The following FAM168A variants were observed in gnomAD, a reference collection of about 807,000 sequenced individuals.
The protein encoded by FAM168A is protein FAM168A.
A neutral mutation model predicts 28.5 loss-of-function variants in FAM168A; 3 were observed. That is an observed-to-expected ratio of 0.11 (90% CI 0.05 to 0.27). The LOEUF (loss-of-function observed/expected upper bound fraction) is 0.27, where lower values mean the gene tolerates loss of function less well. Among genes scored for constraint, FAM168A ranks in the 10% least tolerant of loss-of-function variants. FAM168A has a pLI of 1.00. For synonymous variants in FAM168A, 122 were observed against 124.2 expected (o/e 0.98, Z 0.12); for missense variants, 222 against 311.5 (o/e 0.71, Z 2.16).
intron 2 of FAM168A, among the ~76,000 whole-genome samples, chr11:73,458,720 C>T (rs1375590744): frequency 1.3e-5 from 2 of 152,110 alleles, no homozygotes; most frequent in East Asian, 1.9e-4. Context: ...AAGTGATTCT[C>T]CTGCCTCAGA....
chr11:73,485,830 GCTA>G (rs142380351), intron 1 of FAM168A, among the ~76,000 whole-genome samples: 4,516 of 152,194 alleles, frequency 0.03, 221 homozygotes, highest in African/African-American at 0.1. Flanking sequence ...AAAGTCAGTA[GCTA>G]CTACTACCTA....
chr11:73,530,236 TA>T (rs1230220750), intron 1 of FAM168A, among the ~76,000 whole-genome samples: 1 of 152,176 alleles, frequency 6.6e-6, no homozygotes, highest in Non-Finnish European at 1.5e-5. Flanking sequence ...ATACAGAAGT[TA>T]AATTATTGCC....
chr11:73,593,796 T>C (rs976812867), intron 1 of FAM168A, among the ~76,000 whole-genome samples: 1 of 152,218 alleles, frequency 6.6e-6, no homozygotes, highest in African/African-American at 2.4e-5. Flanking sequence ...ATGATGTTAA[T>C]TCTATTATTC....
At chr11:73,556,274 A>C (rs1943888322) in intron 1 of FAM168A, among the ~76,000 whole-genome samples, 1 of 151,980 alleles carries the variant, frequency 6.6e-6, no homozygotes, top group African/African-American at 2.4e-5. Flanking sequence ...GCTTGTGCCT[A>C]AGAATTCGAG....
chr11:73,461,575 G>T (rs770539393), intron 2 of FAM168A, among the ~76,000 whole-genome samples: 12 of 152,304 alleles, frequency 7.9e-5, no homozygotes, highest in Middle Eastern at 6.8e-3. Flanking sequence ...TAAATAGGAT[G>T]AGCAGGAGAT....
chr11:73,501,292 G>T (rs930411553), intron 1 of FAM168A, among the ~76,000 whole-genome samples: 5 of 152,192 alleles, frequency 3.3e-5, no homozygotes, highest in Non-Finnish European at 7.3e-5. Context: ...CAATGAGACA[G>T]AAAATTAACA....
At chr11:73,477,731 A>G (rs970826463) in intron 1 of FAM168A, among the ~76,000 whole-genome samples, 1 of 152,208 alleles carries the variant, frequency 6.6e-6, no homozygotes, top group Non-Finnish European at 1.5e-5. Context: ...TAAATCCAGC[A>G]AAACTATCCT....
chr11:73,416,002 C>T (rs1866688171), intron 4 of FAM168A, among the ~76,000 whole-genome samples: 2 of 152,228 alleles, frequency 1.3e-5, no homozygotes, highest in African/African-American at 4.8e-5. Context: ...AAGTTCAGGG[C>T]TCACCCTGCC....
intron 1 of FAM168A, among the ~76,000 whole-genome samples, chr11:73,569,595 G>A (rs1299529757): frequency 1.3e-5 from 2 of 152,090 alleles, no homozygotes; most frequent in African/African-American, 2.4e-5. Context: ...AAGCCGAGGC[G>A]GGCAGATCAC....
chr11:73,526,003 A>T (rs2134657418), intron 1 of FAM168A, among the ~76,000 whole-genome samples: 1 of 152,348 alleles, frequency 6.6e-6, no homozygotes, highest in South Asian at 2.1e-4. Context: ...TAACAGGGGT[A>T]GTAGTATGCT....
intron 1 of FAM168A, among the ~76,000 whole-genome samples, chr11:73,527,263 C>T (rs918224436): frequency 1.1e-4 from 17 of 152,176 alleles, no homozygotes; most frequent in African/African-American, 3.6e-4. Flanking sequence ...CATCTAGATA[C>T]ATGAATACCA....
intron 2 of FAM168A, among the ~76,000 whole-genome samples, chr11:73,440,743 A>G (rs1294525166): frequency 2.6e-5 from 4 of 152,224 alleles, no homozygotes; most frequent in Non-Finnish European, 5.9e-5. Context: ...AAAAGGGAGA[A>G]CCACAAAAGG....
intron 1 of FAM168A, chr11:73,580,395 G>C (rs1195058224): frequency 4.8e-6 from 3 of 619,538 alleles, no homozygotes; most frequent in Non-Finnish European, 9.3e-6. Flanking sequence ...GCAAAGAAGG[G>C]AGAGAAGGTA....
intron 2 of FAM168A, among the ~76,000 whole-genome samples, chr11:73,451,464 GT>G (rs1356065381): frequency 6.6e-6 from 1 of 152,184 alleles, no homozygotes; most frequent in African/African-American, 2.4e-5. Context: ...TAGGCACTTT[GT>G]GTTAGCACTG....
chr11:73,464,336 A>G (rs2508669), intron 2 of FAM168A, among the ~76,000 whole-genome samples: 308 of 148,434 alleles, frequency 2.1e-3, no homozygotes, highest in African/African-American at 6.0e-3. Context: ...GGTGGGGGGG[A>G]AAACAAACAC....
intron 1 of FAM168A, among the ~76,000 whole-genome samples, chr11:73,543,418 G>A (rs1943682730): frequency 6.6e-6 from 1 of 151,864 alleles, no homozygotes; most frequent in Admixed American, 6.6e-5. Context: ...CCGCCACCAT[G>A]CCCAGCTAAT....
intron 1 of FAM168A, among the ~76,000 whole-genome samples, chr11:73,512,244 T>TC (rs1855240606): frequency 6.6e-6 from 1 of 152,214 alleles, no homozygotes; most frequent in South Asian, 2.1e-4. Context: ...CTTTCCGTGC[T>TC]CCCATATCAC....
At chr11:73,587,172 AAAAAAAC>A (rs1944323923) in intron 1 of FAM168A, among the ~76,000 whole-genome samples, 1 of 150,036 alleles carries the variant, frequency 6.7e-6, no homozygotes. Flanking sequence ...AAAAAAAAAA[AAAAAAAC>A]TAAGTTTCAG....
At chr11:73,532,273 G>C (rs1943523479) in intron 1 of FAM168A, among the ~76,000 whole-genome samples, 1 of 152,064 alleles carries the variant, frequency 6.6e-6, no homozygotes, top group Non-Finnish European at 1.5e-5. Context: ...AACAAACCAT[G>C]AGATTCTTAT....
Sources: gnomAD v4.1 joint callset for allele counts (sites outside exome capture counted in the v4.1 genomes callset) on GRCh38, gnomAD v4.1.1 for gene constraint, MANE v1.5 for transcripts, NCBI Gene and HGNC (gene_info 2026-07-23, HGNC 2026-07-21) for gene names.